The following TASP1 variants were observed in gnomAD, a reference collection of about 807,000 sequenced individuals.
TASP1 encodes the protein threonine aspartase 1.
TASP1 carries 16 observed loss-of-function variants against 56.6 expected under a neutral mutation model. The observed-to-expected ratio is 0.28, with a 90% CI of 0.19 to 0.43. TASP1 has a LOEUF of 0.43. TASP1 is among the 20% of genes least tolerant of loss of function. The pLI is 1.00. For missense variants in TASP1, 393 were observed against 511.6 expected (o/e 0.77, Z 2.24); for synonymous variants, 179 against 184.2 (o/e 0.97, Z 0.23).
At chr20:13,181,829 G>T in the TASP1 span, among the ~76,000 whole-genome samples, 3 of 152,132 alleles carry the variant, frequency 2.0e-5, no homozygotes. Flanking sequence ...ACCTTATAAT[G>T]ACTTAATGTG....
At chr20:13,374,290 T>A in the TASP1 span, among the ~76,000 whole-genome samples, 7 of 152,168 alleles carry the variant, frequency 4.6e-5, no homozygotes, top group African/African-American at 1.7e-4. Flanking sequence ...CGTGTGTGTG[T>A]GAGAGAGAAA....
At chr20:13,412,552 AC>A (rs796678816) in intron 13 of TASP1, among the ~76,000 whole-genome samples, 1 of 151,754 alleles carries the variant, frequency 6.6e-6, no homozygotes, top group Admixed American at 6.6e-5. Flanking sequence ...TCTTTTGATA[AC>A]CCCCCCTTGT....
chr20:13,253,477 T>G, the TASP1 span, among the ~76,000 whole-genome samples: 10,974 of 152,194 alleles, frequency 0.072, 499 homozygotes, highest in Middle Eastern at 0.14. Context: ...CATCTCCCAT[T>G]GCCAAAGTAC....
chr20:13,555,656 G>T (rs1009551617), intron 8 of TASP1, among the ~76,000 whole-genome samples: 5 of 152,052 alleles, frequency 3.3e-5, no homozygotes, highest in African/African-American at 9.7e-5. Context: ...CATCCATGAG[G>T]CTTGGAATCC....
intron 13 of TASP1, among the ~76,000 whole-genome samples, chr20:13,409,739 T>TA (rs2042036486): frequency 6.6e-6 from 1 of 152,176 alleles, no homozygotes; most frequent in African/African-American, 2.4e-5. Context: ...ATACATGTGA[T>TA]ACTTTGTTTC....
intron 4 of TASP1, among the ~76,000 whole-genome samples, chr20:13,615,645 C>T (rs1420794602): frequency 1.3e-5 from 2 of 151,586 alleles, no homozygotes; most frequent in Non-Finnish European, 2.9e-5. Context: ...GCTGGGACTA[C>T]AGGCACCCGG....
chr20:13,141,851 G>C, the TASP1 span, among the ~76,000 whole-genome samples: 1 of 152,088 alleles, frequency 6.6e-6, no homozygotes, highest in African/African-American at 2.4e-5. Context: ...CCTGTGCTGG[G>C]GGGCAAAAAA....
chr20:13,603,549 T>G (rs2048038141), intron 4 of TASP1, among the ~76,000 whole-genome samples: 1 of 134,206 alleles, frequency 7.5e-6, no homozygotes, highest in African/African-American at 3.1e-5. Flanking sequence ...CTCAAAAAAA[T>G]AAAAATAAAT....
chr20:13,486,762 G>A (rs1030960440), intron 10 of TASP1, among the ~76,000 whole-genome samples: 5 of 152,084 alleles, frequency 3.3e-5, no homozygotes, highest in African/African-American at 4.8e-5. Context: ...AAATCATACC[G>A]ACGTAGTCTT....
At chr20:13,279,820 T>G in the TASP1 span, 1 of 1,614,016 alleles carries the variant, frequency 6.2e-7, no homozygotes, top group Admixed American at 1.7e-5. Context: ...CGACAGCAAC[T>G]TCCTCAACCC....
At chr20:13,617,479 G>A (rs1600177666) in intron 4 of TASP1, among the ~76,000 whole-genome samples, 1 of 152,244 alleles carries the variant, frequency 6.6e-6, no homozygotes, top group East Asian at 1.9e-4. Context: ...AGACTCACCA[G>A]CCACATCATA....
At chr20:13,493,159 AAAAC>A (rs1179542459) in intron 10 of TASP1, among the ~76,000 whole-genome samples, 2 of 152,182 alleles carry the variant, frequency 1.3e-5, no homozygotes, top group Admixed American at 6.5e-5. Flanking sequence ...TAAAACCAAA[AAAAC>A]AAACAAACAA....
At chr20:13,557,113 T>C (rs1226912673) in intron 8 of TASP1, among the ~76,000 whole-genome samples, 3 of 152,230 alleles carry the variant, frequency 2.0e-5, no homozygotes, top group African/African-American at 7.2e-5. Context: ...AACTCCTATA[T>C]ATAAAAATCC....
At position 13,636,766 on chromosome 20, in the gene TASP1, A is replaced by G. The variant is rs148001677; in HGVS notation, c.-75+2128T>C. 3.7e-3 allele frequency among the ~76,000 whole-genome samples: 568 copies of G among 152,308 alleles called. 3 individuals carry two copies. The highest frequency in any genetic ancestry group is 0.012 in the East Asian group (61 of 5,186). ...GTGTTGAAATGGTTTCTACCATTCA[A>G]TGGAGGAAAGGACAGTCCTTTCATC... On this transcript the variant is annotated intron_variant, in intron 1 of 13. Transcript: ENST00000337743.
At chr20:13,538,397 A>T (rs2045493995) in intron 8 of TASP1, among the ~76,000 whole-genome samples, 1 of 152,186 alleles carries the variant, frequency 6.6e-6, no homozygotes. Flanking sequence ...TATATCTTAA[A>T]TGTATAAGTG....
At chr20:13,254,613 GCA>G in the TASP1 span, among the ~76,000 whole-genome samples, 1 of 152,140 alleles carries the variant, frequency 6.6e-6, no homozygotes, top group African/African-American at 2.4e-5. Context: ...GGTACCTCCA[GCA>G]CAGTCTCTAT....
chr20:13,582,718 A>G (rs1051204466), intron 5 of TASP1, among the ~76,000 whole-genome samples: 12 of 152,200 alleles, frequency 7.9e-5, no homozygotes, highest in Non-Finnish European at 1.6e-4. Flanking sequence ...TACATATAAG[A>G]GGGAGAAAGA....
intron 10 of TASP1, 99 bp from the exon 11 acceptor site, chr20:13,483,436 T>C (rs2043212268): frequency 1.4e-6 from 1 of 698,390 alleles, no homozygotes; most frequent in Non-Finnish European, 2.2e-6. Flanking sequence ...TTTAAGAGAG[T>C]AGTTAGCTGG....
At chr20:13,301,510 A>G in the TASP1 span, among the ~76,000 whole-genome samples, 1 of 152,162 alleles carries the variant, frequency 6.6e-6, no homozygotes, top group Admixed American at 6.5e-5. Context: ...ACAATGAATT[A>G]TTTACACCTT....
Sources: gnomAD v4.1 joint callset for allele counts (sites outside exome capture counted in the v4.1 genomes callset) on GRCh38, gnomAD v4.1.1 for gene constraint, MANE v1.5 for transcripts, NCBI Gene and HGNC (gene_info 2026-07-23, HGNC 2026-07-21) for gene names.